Variants in MEGF11 observed in about 807,000 individuals in gnomAD.
The protein encoded by MEGF11 is multiple epidermal growth factor-like domains protein 11.
MEGF11 carries 126 observed loss-of-function variants against 146.6 expected under a neutral mutation model. That is an observed-to-expected ratio of 0.86 (90% confidence interval 0.74 to 1.00). The LOEUF (loss-of-function observed/expected upper bound fraction) is 1.00. Ranked by LOEUF, MEGF11 falls within the 50% of genes least tolerant of loss-of-function variation. The probability of loss-of-function intolerance (pLI) is 0.00; values close to 1 mark genes in which losing one functional copy is unlikely to be tolerated. For missense variants in MEGF11, 1,509 were observed against 1,521.2 expected (o/e 0.99, Z 0.13); for synonymous variants, 532 against 583.4 (o/e 0.91, Z 1.27).
At chr15:65,959,305 G>A (rs1363664118) in intron 9 of MEGF11, among the ~76,000 whole-genome samples, 3 of 152,198 alleles carry the variant, frequency 2.0e-5, no homozygotes, top group African/African-American at 7.2e-5. Context: ...GCCTAGCCAA[G>A]CTGTTTCTCT....
At position 66,153,168 on chromosome 15, in the gene MEGF11, G is replaced by A. The variant is rs554914171; in HGVS notation, c.-8-24757C>T. Reference sequence around the variant, plus strand: ...TTCTGTGGCTCCCACACTCCCCACAGCACTAACAGAGCTCACTTGGAGCCA... The same window carrying A: ...TTCTGTGGCTCCCACACTCCCCACAACACTAACAGAGCTCACTTGGAGCCA... On this transcript the variant is annotated intron_variant, in intron 1 of 25. Transcript: ENST00000395614. 1.9e-3 allele frequency among the ~76,000 whole-genome samples: 286 copies of A among 152,346 alleles called. 2 individuals are homozygous for A. The highest frequency in any genetic ancestry group is 6.6e-3 in the African/African-American group (275 of 41,576).
chr15:65,924,905 A>G (rs1267819777), intron 13 of MEGF11, among the ~76,000 whole-genome samples: 1 of 152,166 alleles, frequency 6.6e-6, no homozygotes, highest in Non-Finnish European at 1.5e-5. Context: ...CTGGGATTAC[A>G]GTCGTGAGCC....
chr15:65,959,395 T>TA (rs142313047), intron 9 of MEGF11, among the ~76,000 whole-genome samples: 2 of 152,350 alleles, frequency 1.3e-5, no homozygotes, highest in East Asian at 3.9e-4. Context: ...TGCAAGTAGC[T>TA]AGTAATCATT....
At chr15:66,147,556 C>T (rs139031898) in intron 1 of MEGF11, among the ~76,000 whole-genome samples, 16 of 152,320 alleles carry the variant, frequency 1.1e-4, no homozygotes, top group African/African-American at 3.8e-4. Flanking sequence ...GGCACACATG[C>T]TGAGACCTGA....
In MEGF11 at chr15:66,201,817, C is replaced by T. The variant is rs570031971; in HGVS notation, c.-9+51788G>A. Among the ~76,000 whole-genome samples the T allele has an allele frequency of 2.1e-4, 31 of 149,722 alleles. No homozygotes were observed. The South Asian group carries it at 3.6e-3, about 17-fold the overall frequency. On this transcript the variant is annotated intron_variant, in intron 1 of 25. Transcript: ENST00000395614. ...AAAAAATTAACCAGGCATGTTGGTGCGAGCCTGTAGTCCCAGCTACTCGGG... is the reference window on the plus strand; with the variant it reads ...AAAAAATTAACCAGGCATGTTGGTGTGAGCCTGTAGTCCCAGCTACTCGGG...
intron 5 of MEGF11, among the ~76,000 whole-genome samples, chr15:66,016,750 CTTAAT>C (rs565509936): frequency 2.9e-4 from 44 of 152,340 alleles, no homozygotes; most frequent in Admixed American, 1.8e-3. Flanking sequence ...CTTTTATTCA[CTTAAT>C]TTATTATAAA....
rs566781159 is a variant in MEGF11 at position 66,104,830 on chromosome 15, CG to C, written c.302-10337del. On this transcript the variant is annotated intron_variant, in intron 4 of 25. Coordinates refer to ENST00000395614, the MANE Select transcript of MEGF11 (RefSeq NM_001385028.1). ...CATCATGGGGGTTTCAAGCCTGAAGCGGGTGGCTCCCTGCTAGAGGCAAAAC... is the reference window on the plus strand; with the variant it reads ...CATCATGGGGGTTTCAAGCCTGAAGCGGTGGCTCCCTGCTAGAGGCAAAAC... 6.6e-3 allele frequency among the ~76,000 whole-genome samples: 1,007 copies of C among 152,250 alleles called. 7 individuals are homozygous for C. The highest frequency in any genetic ancestry group is 0.023 in the African/African-American group (960 of 41,526).
At chr15:66,049,128 C>A (rs903190568) in intron 5 of MEGF11, among the ~76,000 whole-genome samples, 6 of 152,144 alleles carry the variant, frequency 3.9e-5, no homozygotes, top group Non-Finnish European at 8.8e-5. Context: ...GCTGGAGTCA[C>A]CCCTGCCTTT....
At chr15:66,024,017 G>A (rs2083247462) in intron 5 of MEGF11, among the ~76,000 whole-genome samples, 1 of 152,164 alleles carries the variant, frequency 6.6e-6, no homozygotes, top group Non-Finnish European at 1.5e-5. Context: ...GGGGATGGAG[G>A]TCACCAGCAG....
chr15:65,933,608 A>T (rs1004493461), intron 10 of MEGF11, among the ~76,000 whole-genome samples: 2 of 152,184 alleles, frequency 1.3e-5, no homozygotes, highest in African/African-American at 4.8e-5. Context: ...CTGGGCTGAG[A>T]TGGCTTTCTG....
chr15:66,151,316 C>T (rs1319238033), intron 1 of MEGF11, among the ~76,000 whole-genome samples: 5 of 152,328 alleles, frequency 3.3e-5, no homozygotes, highest in East Asian at 1.9e-4. Flanking sequence ...CACACACAAA[C>T]GATCCCTGCC....
At chr15:66,058,319 C>T (rs1278661528) in intron 5 of MEGF11, among the ~76,000 whole-genome samples, 2 of 152,182 alleles carry the variant, frequency 1.3e-5, no homozygotes, top group Non-Finnish European at 2.9e-5. Context: ...AATGTTTTAA[C>T]TACCATTTCC....
chr15:66,034,965 T>C (rs2083672074), intron 5 of MEGF11, among the ~76,000 whole-genome samples: 2 of 152,180 alleles, frequency 1.3e-5, no homozygotes, highest in South Asian at 4.1e-4. Context: ...CCCTCTGCCA[T>C]GTTATGACAC....
rs1216964645 is a variant in MEGF11 at position 65,980,965 on chromosome 15, C to T, written c.642-67G>A. 5 of 1,472,066 alleles carry T rather than the reference C, an allele frequency of 3.4e-6. No individual in the cohort carries two copies. In the East Asian group the frequency reaches 1.2e-4, roughly 37 times the overall value. 91.2% of individuals were successfully genotyped at this position (1,472,066 alleles called of 1,614,324 possible). ...ATCAGGTGGCAGGGCCCCAGTGCTC[C>T]AGGGTTCCCTAGGAATTCCTCCGCA... is the stretch of plus-strand genomic sequence containing the variant. On this transcript the variant is annotated intron_variant, in intron 6 of 25. Transcript: ENST00000395614.
chr15:66,198,853 A>G (rs759945169), intron 1 of MEGF11, among the ~76,000 whole-genome samples: 15 of 152,138 alleles, frequency 9.9e-5, no homozygotes, highest in Non-Finnish European at 1.5e-4. Context: ...GGCTCAAGCC[A>G]TCCGCCTGCC....
chr15:65,992,449 G>T (rs375034308), intron 5 of MEGF11, among the ~76,000 whole-genome samples: 11 of 38,346 alleles, frequency 2.9e-4, no homozygotes, highest in African/African-American at 6.8e-4. Flanking sequence ...GTGTGTGTGT[G>T]TGGGGGGGGG....
chr15:66,021,744 A>G (rs512953), intron 5 of MEGF11, among the ~76,000 whole-genome samples: 148,052 of 152,312 alleles, frequency 0.97, 72,107 homozygotes, highest in Middle Eastern at 1. Context: ...AGACCCAGTT[A>G]GGCTGGTGTG....
intron 1 of MEGF11, among the ~76,000 whole-genome samples, chr15:66,181,222 C>T (rs1374944124): frequency 6.6e-6 from 1 of 152,200 alleles, no homozygotes; most frequent in East Asian, 1.9e-4. Flanking sequence ...TGTTATCAGA[C>T]TTTGAAGATT....
chr15:65,898,441 C>CTGTG (rs1004717659), intron 25 of MEGF11: 12 of 983,428 alleles, frequency 1.2e-5, no homozygotes, highest in African/African-American at 3.5e-5. Context: ...TATCAACAAT[C>CTGTG]TGTGTGTGTG....
Sources: allele counts gnomAD v4.1 joint callset (sites outside exome capture counted in the v4.1 genomes callset), GRCh38; gene constraint gnomAD v4.1.1; transcripts MANE v1.5; gene names NCBI Gene and HGNC (gene_info 2026-07-23, HGNC 2026-07-21).